DCP2: variants seen among roughly 807,000 people sequenced by gnomAD.
DCP2 encodes the protein decapping mRNA 2.
DCP2 carries 30 observed loss-of-function variants against 56.1 expected under a neutral mutation model. That is an observed-to-expected ratio of 0.53 (90% confidence interval 0.40 to 0.73). The LOEUF (loss-of-function observed/expected upper bound fraction) is 0.73, where lower values mean the gene tolerates loss of function less well. Among genes scored for constraint, DCP2 ranks in the 30% least tolerant of loss-of-function variants. The pLI is 0.00. For missense variants in DCP2, 533 were observed against 502.7 expected, an observed-to-expected ratio of 1.06 and a Z score of -0.58; for synonymous variants, 197 against 163.3, an observed-to-expected ratio of 1.21 and a Z score of -1.57.
chr5:113,007,656 C>T (rs1749502424), intron 8 of DCP2, among the ~76,000 whole-genome samples: 1 of 152,076 alleles, frequency 6.6e-6, no homozygotes. Flanking sequence ...CTCAGCCTCC[C>T]AAAATGCTGG....
chr5:113,001,684 T>TA lies in DCP2; in HGVS notation c.806+11dup, dbSNP rs1561698894. 1.9e-6 allele frequency: 3 copies of TA among 1,604,664 alleles called. No homozygotes were observed. In the South Asian group the frequency reaches 3.3e-5, roughly 18 times the overall value. Reference sequence around the variant, plus strand: ...CTGTGGAAAAATTGAGGTAAAGAAATACATTCATGGAATCCTGATTTTCTA... The same window carrying TA: ...CTGTGGAAAAATTGAGGTAAAGAAATAACATTCATGGAATCCTGATTTTCTA... On this transcript the variant is annotated intron_variant, in intron 7 of 10. Coordinates refer to ENST00000389063, the MANE Select transcript of DCP2 (RefSeq NM_152624.6).
intron 1 of DCP2, among the ~76,000 whole-genome samples, chr5:112,977,197 C>T (rs1375374389): frequency 1.3e-5 from 2 of 152,170 alleles, no homozygotes; most frequent in Non-Finnish European, 2.9e-5. Context: ...TCCGTCCTTC[C>T]CCGCAGAACA....
At chr5:113,004,585 A>C (rs906733619) in intron 8 of DCP2, among the ~76,000 whole-genome samples, 1 of 152,190 alleles carries the variant, frequency 6.6e-6, no homozygotes, top group African/African-American at 2.4e-5. Context: ...TGCTGCTGTG[A>C]ACATTCCTAT....
At position 113,003,936 on chromosome 5, in the gene DCP2, G is replaced by T; in HGVS notation, c.807-6G>T. The T allele has an allele frequency of 1.2e-6, 2 of 1,613,918 alleles. No individual in the cohort carries two copies. Among genetic ancestry groups the T allele is most frequent in the South Asian group, 1.1e-5 (1 of 91,074 alleles). ...TGATTTGATTATTTTTTAAATCTTG[G>T]TGTAGTCGAACCAAATTCCGCCACA... On this transcript the variant is annotated splice_region_variant and splice_polypyrimidine_tract_variant and intron_variant, in intron 7 of 10. Coordinates refer to ENST00000389063, the MANE Select transcript of DCP2 (RefSeq NM_152624.6).
chr5:112,992,086 A>G (rs1421808220), intron 2 of DCP2, 35 bp from the exon 3 acceptor site: 1 of 1,608,612 alleles, frequency 6.2e-7, no homozygotes, highest in South Asian at 1.1e-5. Flanking sequence ...AAGCCATATT[A>G]AAGGAGAAAG....
At chr5:113,007,486 C>T (rs898808904) in intron 8 of DCP2, among the ~76,000 whole-genome samples, 3 of 151,734 alleles carry the variant, frequency 2.0e-5, no homozygotes, top group African/African-American at 4.8e-5. Context: ...CTGCAACCTC[C>T]ACCTCCTGGG....
Position 112,992,748 on chromosome 5 carries a change from C to T in DCP2, c.410C>T (p.Pro137Leu). The T allele has an allele frequency of 1.9e-6, 3 of 1,586,856 alleles. No individual in the cohort carries two copies. The highest frequency in any genetic ancestry group is 1.7e-6 in the Non-Finnish European group (2 of 1,173,044). Residue 137 changes from proline to leucine, a missense_variant, in exon 4 of 11, where the codon CCT (proline) becomes CTT (leucine). This residue lies in a region of DCP2 where 392 missense variants were observed against 346.6 expected (regional missense o/e 1.13). Coordinates refer to ENST00000389063, the MANE Select transcript of DCP2 (RefSeq NM_152624.6). ...PKGKVNKEEAPHDCAAREVFE... is the reference protein window; with the variant it reads ...PKGKVNKEEALHDCAAREVFE... ...GGAAAAGTAAATAAAGAAGAAGCTC[C>T]TCATGATTGTGCTGCTAGAGAGGTA...
At chr5:113,000,659 CTGAT>C (rs1250096823) in intron 4 of DCP2, among the ~76,000 whole-genome samples, 1 of 152,158 alleles carries the variant, frequency 6.6e-6, no homozygotes, top group African/African-American at 2.4e-5. Context: ...GACTTTTACT[CTGAT>C]TGGAATGCTC....
chr5:113,005,705 A>T (rs115212316), intron 8 of DCP2, among the ~76,000 whole-genome samples: 1 of 152,232 alleles, frequency 6.6e-6, no homozygotes, highest in Non-Finnish European at 1.5e-5. Flanking sequence ...TTGTGTACCA[A>T]TGTTCATAGC....
chr5:112,999,477 C>T (rs970908064), intron 4 of DCP2, among the ~76,000 whole-genome samples: 1 of 151,736 alleles, frequency 6.6e-6, no homozygotes, highest in Non-Finnish European at 1.5e-5. Context: ...TACAGGCATG[C>T]GCCACCCCGC....
Position 112,976,894 on chromosome 5 carries a change from G to C in DCP2, c.-40G>C, listed in dbSNP as rs1469788773. 1 of 1,611,278 alleles carries C rather than the reference G, an allele frequency of 6.2e-7. No individual in the cohort carries two copies. Among genetic ancestry groups the C allele is most frequent in the Non-Finnish European group, 8.5e-7 (1 of 1,177,400 alleles). The stretch of plus-strand genomic sequence containing the variant: ...TGCCGTACCGTCAGTCCCCGGCCGC[G>C]CGGAGCCGGGATGCACTGTTCCTGC... On this transcript the variant is annotated 5_prime_UTR_variant, in exon 1 of 11. Transcript: ENST00000389063.
At chr5:112,989,520 G>A (rs1748477962) in intron 2 of DCP2, among the ~76,000 whole-genome samples, 1 of 152,086 alleles carries the variant, frequency 6.6e-6, no homozygotes, top group Admixed American at 6.5e-5. Flanking sequence ...AAAAGTTACT[G>A]TATTTTAGAC....
chr5:112,987,499 C>T (rs529386266), intron 2 of DCP2, among the ~76,000 whole-genome samples: 5 of 151,914 alleles, frequency 3.3e-5, no homozygotes, highest in Admixed American at 2.0e-4. Context: ...GTTGACCAGG[C>T]TGGAGTGTGG....
intron 4 of DCP2, among the ~76,000 whole-genome samples, chr5:112,994,538 C>G (rs1449060876): frequency 6.6e-6 from 1 of 152,108 alleles, no homozygotes. Context: ...TAGTGTTAGT[C>G]TCTGAACTTC....
At chr5:112,990,883 ATT>A (rs10714092) in intron 2 of DCP2, among the ~76,000 whole-genome samples, 12 of 150,992 alleles carry the variant, frequency 7.9e-5, no homozygotes, top group African/African-American at 2.7e-4. Flanking sequence ...ATTTAATGTG[ATT>A]TTTTTTTTTA....
chr5:113,005,941 T>G lies in DCP2; in HGVS notation c.942+1864T>G, dbSNP rs77810498. 6.9e-3 allele frequency among the ~76,000 whole-genome samples: 1,052 copies of G among 152,150 alleles called. 9 individuals carry two copies. The highest frequency in any genetic ancestry group is 0.023 in the African/African-American group (974 of 41,506). Reference sequence around the variant, plus strand: ...TGAGCCCAGTAGTTCGAGACCCACCTGGGCAGCATGTCTCTACTACTAAAA... The same window carrying G: ...TGAGCCCAGTAGTTCGAGACCCACCGGGGCAGCATGTCTCTACTACTAAAA... On this transcript the variant is annotated intron_variant, in intron 8 of 10. Coordinates refer to ENST00000389063, the MANE Select transcript of DCP2 (RefSeq NM_152624.6).
At chr5:112,992,294 A>G (rs2150176287) in intron 3 of DCP2, 46 bp downstream of exon 3, 1 of 1,574,946 alleles carries the variant, frequency 6.3e-7, no homozygotes, top group Non-Finnish European at 8.6e-7. Flanking sequence ...GTGATCGTTA[A>G]TCTGTTAACA....
chr5:113,005,329 A>G (rs1183368807), intron 8 of DCP2, among the ~76,000 whole-genome samples: 1 of 152,212 alleles, frequency 6.6e-6, no homozygotes, highest in Non-Finnish European at 1.5e-5. Context: ...CAACACAACA[A>G]TCTAATTTAA....
intron 2 of DCP2, 127 bp downstream of exon 2, chr5:112,986,113 G>C: frequency 1.1e-6 from 1 of 910,970 alleles, no homozygotes; most frequent in Non-Finnish European, 1.6e-6. Flanking sequence ...GCTAAAATTT[G>C]TCAAACATAA....
Sources: gnomAD v4.1 joint callset for allele counts (sites outside exome capture counted in the v4.1 genomes callset) on GRCh38, gnomAD v4.1.1 for gene constraint, gnomAD v4.1.1 regional missense constraint, MANE v1.5 for transcripts, NCBI Gene and HGNC (gene_info 2026-07-23, HGNC 2026-07-21) for gene names.